DHTKD1: variants seen among roughly 807,000 people sequenced by gnomAD.
DHTKD1 encodes 2-oxoadipate dehydrogenase complex component E1.
Under a neutral mutation model 101.8 loss-of-function variants are expected in DHTKD1, and 78 were observed. That is an observed-to-expected ratio of 0.77 (90% CI 0.64 to 0.93). The LOEUF (loss-of-function observed/expected upper bound fraction) is 0.93, where lower values mean the gene tolerates loss of function less well. Among genes scored for constraint, DHTKD1 ranks in the 40% least tolerant of loss-of-function variants. The pLI is 0.00. For synonymous variants in DHTKD1, 462 were observed against 450.3 expected, an observed-to-expected ratio of 1.03 and a Z score of -0.33; for missense variants, 1,223 against 1,161.7, an observed-to-expected ratio of 1.05 and a Z score of -0.77.
intron 13 of DHTKD1, among the ~76,000 whole-genome samples, chr10:12,113,545 TA>T (rs35521466): frequency 0.48 from 72,300 of 151,992 alleles, 18,872 homozygotes; most frequent in South Asian, 0.72. Context: ...GAAAGATAGG[TA>T]GGTTTTCTGT....
chr10:12,107,019 C>G lies in DHTKD1; in HGVS notation c.2047+623C>G, dbSNP rs1354466729. 6.7e-6 allele frequency among the ~76,000 whole-genome samples: 1 copy of G among 149,810 alleles called. No homozygotes were observed. Among genetic ancestry groups the G allele is most frequent in the Non-Finnish European group, 1.5e-5 (1 of 67,608 alleles). Reference sequence around the variant, plus strand: ...TTTTTTTTTGAGACGGAGTCTCGCTCTGTCACCCAGGCTGGAGTGCAGTGG... The same window carrying G: ...TTTTTTTTTGAGACGGAGTCTCGCTGTGTCACCCAGGCTGGAGTGCAGTGG... On this transcript the variant is annotated intron_variant, in intron 11 of 16. Coordinates refer to ENST00000263035, the MANE Select transcript of DHTKD1 (RefSeq NM_018706.7). This position sits in a 1 kb window ranked among gnomAD's most constrained non-coding sequence, Gnocchi z 4.1.
chr10:12,084,170 G>A (rs759445418), intron 2 of DHTKD1, among the ~76,000 whole-genome samples: 3 of 152,176 alleles, frequency 2.0e-5, no homozygotes, highest in Admixed American at 1.3e-4. Context: ...AGATCCACCC[G>A]CCTTGCCTCC....
At chr10:12,113,428 C>T (rs1441472579) in intron 13 of DHTKD1, among the ~76,000 whole-genome samples, 2 of 152,170 alleles carry the variant, frequency 1.3e-5, no homozygotes, top group African/African-American at 2.4e-5. Context: ...TAACTCTTGA[C>T]CTCAGGTGAT....
rs753587243 is a variant in DHTKD1, at chr10:12,101,101, G to A, written c.1816G>A (p.Ala606Thr). The part of the protein sequence containing the change: ...VGRGTFSQRH[A>T]IVVCQETDDT... ...TCGTGGAACTTTCAGTCAGAGGCATGCAATCGTGGTTTGCCAGGAGACGGA... is the reference window on the plus strand; with the variant it reads ...TCGTGGAACTTTCAGTCAGAGGCATACAATCGTGGTTTGCCAGGAGACGGA... The change falls in exon 10 of 17, where the codon GCA becomes ACA. Residue 606 changes from alanine (A) to threonine (T), a missense_variant. Coordinates refer to ENST00000263035, the MANE Select transcript of DHTKD1 (RefSeq NM_018706.7). The A allele has an allele frequency of 3.7e-6, 6 of 1,614,096 alleles. No homozygotes were observed. Among genetic ancestry groups the A allele is most frequent in the Non-Finnish European group, 4.2e-6 (5 of 1,179,990 alleles).
At chr10:12,100,287 G>GGTTTTTTT in intron 9 of DHTKD1, 25 bp downstream of exon 9, 1 of 269,862 alleles carries the variant, frequency 3.7e-6, no homozygotes, top group Non-Finnish European at 6.1e-6. Context: ...TTTTTTTTCT[G>GGTTTTTTT]TTTTTTTTTT....
rs183225142 is a variant in DHTKD1, at chr10:12,087,983, C to T, written c.717+254C>T. 4.2e-4 allele frequency among the ~76,000 whole-genome samples: 64 copies of T among 152,206 alleles called. No homozygotes were observed. The highest frequency in any genetic ancestry group is 1.5e-3 in the African/African-American group (62 of 41,534). ...AATAAGTTAGCCAAGCATGGTGGCA[C>T]GCACCCGTGTTCCCAGCTACTCAGG... On this transcript the variant is annotated intron_variant, in intron 4 of 16. Coordinates refer to ENST00000263035, the MANE Select transcript of DHTKD1 (RefSeq NM_018706.7). This position sits in a 1 kb window ranked among gnomAD's most constrained non-coding sequence, Gnocchi z 5.2.
At chr10:12,089,309 T>C in intron 5 of DHTKD1, 54 bp downstream of exon 5, 2 of 1,562,156 alleles carry the variant, frequency 1.3e-6, no homozygotes, top group Non-Finnish European at 1.7e-6. Flanking sequence ...GGGAAGAATG[T>C]GTGGGTTGGG....
rs377143488 is a variant in DHTKD1, at chr10:12,089,231, G to C, written c.963G>C (p.Pro321=). The C allele has an allele frequency of 1.2e-6, 2 of 1,613,960 alleles. No individual in the cohort carries two copies. The highest frequency in any genetic ancestry group is 4.5e-5 in the East Asian group (2 of 44,888). ...ACTCTCCAGACAACTCAGCCCAGCC[G>C]GGGGACAGGGTCATTTGCTTACAGG... ...GDYSPDNSAQ[P]GDRVICLQVH... is the part of the protein sequence containing the mutation. The change falls in exon 5 of 17, where the codon CCG becomes CCC. Residue 321 remains proline (P), a synonymous_variant. Coordinates refer to ENST00000263035, the MANE Select transcript of DHTKD1 (RefSeq NM_018706.7).
chr10:12,085,684 G>A (rs1357057777), intron 3 of DHTKD1, among the ~76,000 whole-genome samples: 1 of 152,090 alleles, frequency 6.6e-6, no homozygotes, highest in Non-Finnish European at 1.5e-5. Flanking sequence ...TTTGATACCA[G>A]CCAGGCCAAC....
chr10:12,070,323 G>A (rs1832634116), intron 1 of DHTKD1, among the ~76,000 whole-genome samples: 1 of 152,114 alleles, frequency 6.6e-6, no homozygotes, highest in African/African-American at 2.4e-5. Context: ...CTTATTAGAG[G>A]AAAATCATTT....
intron 7 of DHTKD1, 177 bp downstream of exon 7, chr10:12,094,448 G>T: frequency 1.6e-6 from 1 of 634,712 alleles, no homozygotes; most frequent in Non-Finnish European, 2.8e-6. Flanking sequence ...TGATCCTCTT[G>T]CCTCAACCTC....
At chr10:12,081,942 A>G (rs1348584733) in intron 2 of DHTKD1, among the ~76,000 whole-genome samples, 1 of 151,108 alleles carries the variant, frequency 6.6e-6, no homozygotes, top group Non-Finnish European at 1.5e-5. Flanking sequence ...CCTGGGCAAC[A>G]TAGTGAGACT....
intron 16 of DHTKD1, 170 bp downstream of exon 16, chr10:12,120,437 C>G: frequency 1.8e-6 from 1 of 567,466 alleles, no homozygotes; most frequent in Non-Finnish European, 3.1e-6. Flanking sequence ...GGGTTCACGC[C>G]ATTCTCCTGC....
At chr10:12,072,213 T>G (rs1177294667) in intron 1 of DHTKD1, among the ~76,000 whole-genome samples, 1 of 152,202 alleles carries the variant, frequency 6.6e-6, no homozygotes, top group African/African-American at 2.4e-5. Context: ...ATGCCTGTAA[T>G]CCCAGCACTT....
In DHTKD1 at chr10:12,120,232, G is replaced by GT. The variant is rs779517489; in HGVS notation, c.2626dup (p.Ser876PhefsTer5). On this transcript the variant is annotated frameshift_variant, in exon 16 of 17. Coordinates refer to ENST00000263035, the MANE Select transcript of DHTKD1 (RefSeq NM_018706.7). LOFTEE classifies it high-confidence loss of function. ...TCAGAACATGGGTCCGTGGTCGTTT[G>GT]TTTCTCCAAGGTTTGAAAAGCAGCT... 10 of 1,613,482 alleles carry GT rather than the reference G, an allele frequency of 6.2e-6. No homozygotes were observed. Among genetic ancestry groups the GT allele is most frequent in the Non-Finnish European group, 7.6e-6 (9 of 1,179,596 alleles).
At chr10:12,083,936 A>AT (rs1194871426) in intron 2 of DHTKD1, among the ~76,000 whole-genome samples, 1 of 151,634 alleles carries the variant, frequency 6.6e-6, no homozygotes, top group Non-Finnish European at 1.5e-5. Context: ...TTATTTATTT[A>AT]TTTTGGGACA....
At chr10:12,078,120 A>T (rs1263719551) in intron 1 of DHTKD1, among the ~76,000 whole-genome samples, 1 of 152,030 alleles carries the variant, frequency 6.6e-6, no homozygotes, top group Non-Finnish European at 1.5e-5. Context: ...CTGGCTAGTG[A>T]GTACTTAGAA....
intron 5 of DHTKD1, among the ~76,000 whole-genome samples, chr10:12,089,930 C>G (rs760730160): frequency 5.9e-5 from 9 of 152,032 alleles, no homozygotes. Context: ...CTCAGCCTCC[C>G]AAAGTGCTGA....
Position 12,097,770 on chromosome 10 carries a change from C to T in DHTKD1, c.1445C>T (p.Ser482Phe), listed in dbSNP as rs193121133. 2 of 1,614,194 alleles carry T rather than the reference C, an allele frequency of 1.2e-6. No individual in the cohort carries two copies. The highest frequency in any genetic ancestry group is 3.3e-5 in the Admixed American group (2 of 60,016). ...CAGGAGGAGGTGTCTGAAATAAAAT[C>T]CTCCTACTATGCCAAGTTGAATGAT... is the stretch of plus-strand genomic sequence containing the variant. ...MTQEEVSEIK[S>F]SYYAKLNDHL... is the part of the protein sequence containing the mutation. The change falls in exon 8 of 17, where the codon TCC becomes TTC. Residue 482 changes from serine (S) to phenylalanine (F), a missense_variant. Ser to Phe is a radical substitution (Grantham distance 155). Transcript: ENST00000263035.
Sources: gnomAD v4.1 joint callset for allele counts (sites outside exome capture counted in the v4.1 genomes callset) on GRCh38, gnomAD v4.1.1 for gene constraint, Gnocchi (gnomAD v3.1) non-coding constraint, MANE v1.5 for transcripts, NCBI Gene and HGNC (gene_info 2026-07-23, HGNC 2026-07-21) for gene names.